CEP170: variants seen among roughly 807,000 people sequenced by gnomAD.
CEP170 encodes centrosomal protein of 170 kDa.
In CEP170, 21 loss-of-function variants were observed where a neutral mutation model predicts 151.9. The ratio of observed to expected loss-of-function variants is 0.14; its 90% CI spans 0.10 to 0.20. The LOEUF is 0.20. Among genes scored for constraint, CEP170 ranks in the 10% least tolerant of loss-of-function variants. The pLI is 1.00. For missense variants in CEP170, 964 were observed against 1,892.9 expected (o/e 0.51, Z 9.11); for synonymous variants, 356 against 648.8 (o/e 0.55, Z 6.86).
chr1:243,251,370 T>C (rs550801514), intron 1 of CEP170, among the ~76,000 whole-genome samples: 1 of 152,090 alleles, frequency 6.6e-6, no homozygotes, highest in Non-Finnish European at 1.5e-5. Flanking sequence ...AAAAGATGAG[T>C]AGAAAGAATT....
At chr1:243,127,939 TTATTA>T (rs1345806038) in intron 19 of CEP170, among the ~76,000 whole-genome samples, 1 of 152,176 alleles carries the variant, frequency 6.6e-6, no homozygotes, top group Non-Finnish European at 1.5e-5. Flanking sequence ...TAACACAACT[TTATTA>T]TATATTTTTC....
intron 14 of CEP170, among the ~76,000 whole-genome samples, chr1:243,149,291 A>C (rs2148394213): frequency 6.6e-6 from 1 of 152,346 alleles, no homozygotes; most frequent in Admixed American, 6.5e-5. Flanking sequence ...ACCAGAGACA[A>C]AATCGGCAGG....
chr1:243,226,058 G>T lies in CEP170; in HGVS notation c.-41-737C>A, dbSNP rs908690751. On this transcript the variant is annotated intron_variant, in intron 1 of 19. Transcript: ENST00000366542. ...ATCTATCTCTAGATATATATATCTA[G>T]ATATATATATCTATATCTAGATATA... Among the ~76,000 whole-genome samples the T allele has an allele frequency of 1.3e-3, 144 of 109,878 alleles. 1 individual carries two copies. Among genetic ancestry groups the T allele is most frequent in the African/African-American group, 3.8e-3 (132 of 34,950 alleles). The allele number at this position is 109,878 out of a possible 152,430, so 72.1% of individuals were successfully genotyped here.
intron 17 of CEP170, among the ~76,000 whole-genome samples, chr1:243,134,990 C>A (rs1473049136): frequency 6.6e-6 from 1 of 151,858 alleles, no homozygotes; most frequent in Non-Finnish European, 1.5e-5. Flanking sequence ...GGAAACACAC[C>A]CACTATTAGA....
At chr1:243,145,127 A>T (rs947011686) in intron 14 of CEP170, among the ~76,000 whole-genome samples, 1 of 152,236 alleles carries the variant, frequency 6.6e-6, no homozygotes, top group Non-Finnish European at 1.5e-5. Context: ...TATATTAAAA[A>T]TTAGAGTTCT....
At chr1:243,148,246 C>G (rs527338488) in intron 14 of CEP170, among the ~76,000 whole-genome samples, 37 of 151,982 alleles carry the variant, frequency 2.4e-4, no homozygotes, top group Admixed American at 1.8e-3. Context: ...TGGGAAGACT[C>G]TAGGCATCAT....
chr1:243,139,504 C>A (rs969271904), intron 16 of CEP170, among the ~76,000 whole-genome samples: 2 of 151,264 alleles, frequency 1.3e-5, no homozygotes, highest in Non-Finnish European at 2.9e-5. Context: ...GTATTTCTAC[C>A]TTCTTTATTT....
At chr1:243,245,274 G>A (rs945158201) in intron 1 of CEP170, among the ~76,000 whole-genome samples, 2 of 150,678 alleles carry the variant, frequency 1.3e-5, no homozygotes, top group East Asian at 1.9e-4. Context: ...TTTTTTGGTT[G>A]TTGTTCATCA....
chr1:243,207,975 A>G (rs1410465392), intron 4 of CEP170, among the ~76,000 whole-genome samples: 2 of 152,164 alleles, frequency 1.3e-5, no homozygotes, highest in Non-Finnish European at 2.9e-5. Flanking sequence ...GGTTAAGTCT[A>G]AAGCTAGTAT....
intron 1 of CEP170, among the ~76,000 whole-genome samples, chr1:243,233,280 G>T (rs1451588427): frequency 9.9e-5 from 15 of 152,022 alleles, no homozygotes; most frequent in Non-Finnish European, 2.9e-5. Flanking sequence ...TGACTTTCCT[G>T]CTAAATCAGA....
At chr1:243,171,378 C>T (rs564982922) in intron 11 of CEP170, among the ~76,000 whole-genome samples, 59 of 152,120 alleles carry the variant, frequency 3.9e-4, no homozygotes, top group African/African-American at 1.4e-3. Flanking sequence ...GGTCTATTTA[C>T]CTGTATGTAA....
chr1:243,160,612 C>T (rs542886399), intron 13 of CEP170, among the ~76,000 whole-genome samples: 6 of 152,190 alleles, frequency 3.9e-5, no homozygotes, highest in East Asian at 1.9e-4. Flanking sequence ...TTTGCAAACA[C>T]GCTTCAGAAA....
At chr1:243,181,846 TCTC>T (rs1471525847) in intron 10 of CEP170, among the ~76,000 whole-genome samples, 1 of 152,176 alleles carries the variant, frequency 6.6e-6, no homozygotes, top group Non-Finnish European at 1.5e-5. Context: ...TGTTCCCCCT[TCTC>T]CTTTGTCCAT....
At chr1:243,144,624 T>C (rs1264784543) in intron 14 of CEP170, among the ~76,000 whole-genome samples, 1 of 152,210 alleles carries the variant, frequency 6.6e-6, no homozygotes, top group Non-Finnish European at 1.5e-5. Context: ...ATGCAGACGA[T>C]CTGTACAATG....
chr1:243,147,810 A>AC (rs2056669438), intron 14 of CEP170, among the ~76,000 whole-genome samples: 1 of 152,192 alleles, frequency 6.6e-6, no homozygotes, highest in African/African-American at 2.4e-5. Context: ...TTAGAGTTTG[A>AC]CTTAAAAATT....
intron 13 of CEP170, among the ~76,000 whole-genome samples, chr1:243,158,342 AT>A (rs1370181658): frequency 6.6e-6 from 1 of 152,210 alleles, no homozygotes; most frequent in Non-Finnish European, 1.5e-5. Flanking sequence ...CTGATTTTTG[AT>A]GAGGCAACTA....
chr1:243,156,128 A>G, intron 14 of CEP170, 93 bp downstream of exon 14: 2 of 1,369,436 alleles, frequency 1.5e-6, no homozygotes, highest in Admixed American at 2.5e-5. Context: ...TTCTTAGACT[A>G]TTAGTAAAAA....
intron 1 of CEP170, among the ~76,000 whole-genome samples, chr1:243,253,495 T>C (rs1558170845): frequency 6.6e-6 from 1 of 152,224 alleles, no homozygotes; most frequent in Non-Finnish European, 1.5e-5. Context: ...TCAAGTGCAC[T>C]TGGGCTCTTC....
At chr1:243,224,790 A>C (rs2063098929) in intron 2 of CEP170, among the ~76,000 whole-genome samples, 1 of 151,910 alleles carries the variant, frequency 6.6e-6, no homozygotes. Context: ...TTATGCTTGA[A>C]CTCCTGGCAG....
Sources: gnomAD v4.1 joint callset for allele counts (sites outside exome capture counted in the v4.1 genomes callset) on GRCh38, gnomAD v4.1.1 for gene constraint, MANE v1.5 for transcripts, NCBI Gene and HGNC (gene_info 2026-07-23, HGNC 2026-07-21) for gene names.